Variants in DGKI observed in about 807,000 individuals in gnomAD.
DGKI encodes DAG kinase iota.
Under a neutral mutation model 147.5 loss-of-function variants are expected in DGKI, and 55 were observed. The observed-to-expected ratio is 0.37, with a 90% CI of 0.30 to 0.47. The LOEUF is 0.47. Ranked by LOEUF, DGKI falls within the 20% of genes least tolerant of loss-of-function variation. DGKI has a pLI of 1.00. For synonymous variants in DGKI, 469 were observed against 477.1 expected (o/e 0.98, Z 0.22); for missense variants, 1,007 against 1,323.8 (o/e 0.76, Z 3.71).
intron 21 of DGKI, among the ~76,000 whole-genome samples, chr7:137,517,281 A>AG (rs1816790163): frequency 7.4e-4 from 52 of 70,586 alleles, no homozygotes; most frequent in Admixed American, 1.5e-3. Flanking sequence ...AGAAAAGAAA[A>AG]AGAAAGAAAG....
At chr7:137,795,481 G>A (rs1796992952) in intron 1 of DGKI, among the ~76,000 whole-genome samples, 1 of 152,224 alleles carries the variant, frequency 6.6e-6, no homozygotes, top group African/African-American at 2.4e-5. Context: ...CCTGTACCCA[G>A]GGGATTTTTC....
At chr7:137,514,181 G>A (rs1816673454) in intron 21 of DGKI, among the ~76,000 whole-genome samples, 1 of 151,928 alleles carries the variant, frequency 6.6e-6, no homozygotes, top group South Asian at 2.1e-4. Context: ...GTTTATTTGT[G>A]GCCGAGTGTA....
intron 6 of DGKI, among the ~76,000 whole-genome samples, chr7:137,636,840 A>G (rs921169347): frequency 6.6e-6 from 1 of 151,858 alleles, no homozygotes; most frequent in Non-Finnish European, 1.5e-5. Context: ...TGACACTGGC[A>G]CCCCTTTTCT....
intron 1 of DGKI, among the ~76,000 whole-genome samples, chr7:137,832,036 A>T (rs557098646): frequency 5.3e-5 from 8 of 152,192 alleles, no homozygotes. Context: ...GTGCTGATAC[A>T]AGAGATGGGT....
intron 3 of DGKI, 119 bp from the exon 4 acceptor site, chr7:137,656,659 T>G (rs1046929873): frequency 1.7e-5 from 16 of 952,506 alleles, no homozygotes; most frequent in Non-Finnish European, 2.5e-5. Context: ...TTGTAATTAT[T>G]TCTATTACAA....
At chr7:137,787,440 G>T (rs961016534) in intron 1 of DGKI, among the ~76,000 whole-genome samples, 3 of 152,136 alleles carry the variant, frequency 2.0e-5, no homozygotes, top group Non-Finnish European at 4.4e-5. Context: ...CTGCAAGAAT[G>T]CCCATAAGCA....
Position 137,383,141 on chromosome 7 carries a change from C to T in DGKI, c.*8079G>A, listed in dbSNP as rs1167901448. On this transcript the variant is annotated 3_prime_UTR_variant, in exon 33 of 33. Transcript: ENST00000614521. Reference sequence around the variant, plus strand: ...AAGAACACTAAATCCTTTGTTTTCACTTTGACTCCTGAATCTGTGACCTTT... The same window carrying T: ...AAGAACACTAAATCCTTTGTTTTCATTTTGACTCCTGAATCTGTGACCTTT... The T allele has an allele frequency of 6.6e-6, 1 of 151,866 alleles. No homozygotes were observed. Among genetic ancestry groups the T allele is most frequent in the Non-Finnish European group, 1.5e-5 (1 of 67,860 alleles). 9.4% of individuals were successfully genotyped at this position (151,866 alleles called of 1,614,324 possible). A position where few individuals can be genotyped will look rare whatever the true frequency, so the allele number is the denominator to read the frequency against.
intron 1 of DGKI, among the ~76,000 whole-genome samples, chr7:137,718,772 C>T (rs1199202691): frequency 6.6e-6 from 1 of 152,202 alleles, no homozygotes; most frequent in African/African-American, 2.4e-5. Flanking sequence ...ACGGCCTCCT[C>T]TCCAAGGCCC....
At chr7:137,789,976 A>T (rs2116921851) in intron 1 of DGKI, among the ~76,000 whole-genome samples, 1 of 152,282 alleles carries the variant, frequency 6.6e-6, no homozygotes, top group Admixed American at 6.5e-5. Context: ...AATCTATAGC[A>T]AGGATTGCAC....
rs763075697 is a variant in DGKI at position 137,846,433 on chromosome 7, T to G, written c.401+29A>C. 6 of 1,525,226 alleles carry G rather than the reference T, an allele frequency of 3.9e-6. No individual in the cohort carries two copies. The highest frequency in any genetic ancestry group is 2.6e-5 in the East Asian group (1 of 38,876). The allele number at this position is 1,525,226 out of a possible 1,614,324, so 94.5% of individuals were successfully genotyped here. On this transcript the variant is annotated intron_variant, in intron 1 of 32. Transcript: ENST00000614521. This position sits in a 1 kb window ranked among gnomAD's most constrained non-coding sequence, Gnocchi z 4.0. ...AGTGGGTCTCCCGCCGCGGCGCACCTGTCTCGGCTGCCGGCTCCCCGCACC... is the reference window on the plus strand; with the variant it reads ...AGTGGGTCTCCCGCCGCGGCGCACCGGTCTCGGCTGCCGGCTCCCCGCACC...
chr7:137,530,127 A>G (rs1265328888), intron 20 of DGKI, among the ~76,000 whole-genome samples: 1 of 152,158 alleles, frequency 6.6e-6, no homozygotes, highest in Non-Finnish European at 1.5e-5. Context: ...CCAGAAACTC[A>G]AAGTTCCCTC....
At chr7:137,670,479 C>T (rs898407793) in intron 3 of DGKI, among the ~76,000 whole-genome samples, 1 of 152,214 alleles carries the variant, frequency 6.6e-6, no homozygotes, top group Non-Finnish European at 1.5e-5. Flanking sequence ...CATGGAAATG[C>T]TGAGCTATCA....
Position 137,382,073 on chromosome 7 carries a change from G to A in DGKI, c.*9147C>T, listed in dbSNP as rs1396776988. Reference sequence around the variant, plus strand: ...TATAGAAGGTACAACAAATATCAAGGCTAGATGGTATCTTAAAAGTGATAA... The same window carrying A: ...TATAGAAGGTACAACAAATATCAAGACTAGATGGTATCTTAAAAGTGATAA... On this transcript the variant is annotated 3_prime_UTR_variant, in exon 33 of 33. Transcript: ENST00000614521. The A allele has an allele frequency of 6.6e-6, 1 of 151,986 alleles. No homozygotes were observed. Among genetic ancestry groups the A allele is most frequent in the Non-Finnish European group, 1.5e-5 (1 of 67,960 alleles). 9.4% of individuals were successfully genotyped at this position (151,986 alleles called of 1,614,324 possible). A position where few individuals can be genotyped will look rare whatever the true frequency, so the allele number is the denominator to read the frequency against.
chr7:137,478,923 A>G (rs1815272653), intron 23 of DGKI, among the ~76,000 whole-genome samples: 1 of 152,172 alleles, frequency 6.6e-6, no homozygotes, highest in Non-Finnish European at 1.5e-5. Flanking sequence ...ACAATCTTAA[A>G]AATATGCGTC....
chr7:137,805,781 T>C (rs536487828), intron 1 of DGKI, among the ~76,000 whole-genome samples: 82 of 152,300 alleles, frequency 5.4e-4, no homozygotes, highest in Middle Eastern at 3.4e-3. Context: ...AACTGAATAA[T>C]TGGAAATACC....
At chr7:137,622,069 A>C (rs1296502971) in intron 7 of DGKI, among the ~76,000 whole-genome samples, 1 of 152,172 alleles carries the variant, frequency 6.6e-6, no homozygotes, top group Non-Finnish European at 1.5e-5. Flanking sequence ...TTTGTGTAAC[A>C]ACTAACTGAA....
chr7:137,715,464 T>C (rs1029275137), intron 1 of DGKI, among the ~76,000 whole-genome samples: 1 of 152,222 alleles, frequency 6.6e-6, no homozygotes, highest in African/African-American at 2.4e-5. Flanking sequence ...TGGAAAGTTA[T>C]GAGACCCACT....
intron 1 of DGKI, among the ~76,000 whole-genome samples, chr7:137,845,552 T>G (rs1333423217): frequency 4.6e-5 from 7 of 152,164 alleles, no homozygotes. Flanking sequence ...CGATAAGCAG[T>G]AGGGTTAGTG....
intron 1 of DGKI, among the ~76,000 whole-genome samples, chr7:137,766,859 T>C (rs538950841): frequency 1.3e-4 from 20 of 152,142 alleles, no homozygotes; most frequent in Non-Finnish European, 2.6e-4. Flanking sequence ...CCACAACACC[T>C]GCAGCAGGTG....
Sources: gnomAD v4.1 joint callset for allele counts (sites outside exome capture counted in the v4.1 genomes callset) on GRCh38, gnomAD v4.1.1 for gene constraint, Gnocchi (gnomAD v3.1) non-coding constraint, MANE v1.5 for transcripts, NCBI Gene and HGNC (gene_info 2026-07-23, HGNC 2026-07-21) for gene names.